Variants in IL1RAPL2 observed in about 807,000 individuals in gnomAD.
The protein encoded by IL1RAPL2 is X-linked interleukin-1 receptor accessory protein-like 2.
In IL1RAPL2, 3 loss-of-function variants were observed where a neutral mutation model predicts 44.1. The ratio of observed to expected loss-of-function variants is 0.07; its 90% CI spans 0.03 to 0.18. The LOEUF (loss-of-function observed/expected upper bound fraction) is 0.18. Among genes scored for constraint, IL1RAPL2 ranks in the 10% least tolerant of loss-of-function variants. IL1RAPL2 has a pLI of 1.00. For missense variants in IL1RAPL2, 391 were observed against 496.4 expected (o/e 0.79, Z 2.02); for synonymous variants, 181 against 178.8 (o/e 1.01, Z -0.10).
intron 2 of IL1RAPL2, among the ~76,000 whole-genome samples, chrX:104,719,277 T>A (rs1415688621): frequency 8.9e-6 from 1 of 112,207 alleles, no homozygotes; most frequent in Non-Finnish European, 1.9e-5. Flanking sequence ...CTTATGCATA[T>A]AAATGTATTG....
intron 6 of IL1RAPL2, among the ~76,000 whole-genome samples, chrX:105,488,888 T>C (rs1222238414): frequency 1.8e-5 from 2 of 112,098 alleles, no homozygotes; most frequent in African/African-American, 6.5e-5. Flanking sequence ...GTTATGTCTC[T>C]AGAGAAAAAT....
chrX:105,344,821 T>C (rs1721911146), intron 5 of IL1RAPL2, among the ~76,000 whole-genome samples: 2 of 111,903 alleles, frequency 1.8e-5, no homozygotes, highest in Admixed American at 1.9e-4. Context: ...CTGGTTTGAA[T>C]GAGAGGGAAA....
intron 1 of IL1RAPL2, among the ~76,000 whole-genome samples, chrX:104,623,608 G>A (rs1232463160): frequency 9.0e-6 from 1 of 111,116 alleles, no homozygotes; most frequent in African/African-American, 3.3e-5. Context: ...GTTGGAGGTT[G>A]TTATCCCAGC....
chrX:105,668,379 C>T (rs769463045), intron 6 of IL1RAPL2, among the ~76,000 whole-genome samples: 25 of 112,327 alleles, frequency 2.2e-4, no homozygotes, highest in Non-Finnish European at 4.3e-4. Context: ...CCCCTTTCCA[C>T]TTAAGAGGAA....
At chrX:105,222,750 C>T (rs2033978017) in intron 3 of IL1RAPL2, among the ~76,000 whole-genome samples, 1 of 111,807 alleles carries the variant, frequency 8.9e-6, no homozygotes, top group Admixed American at 9.5e-5. Flanking sequence ...GGATAATGCC[C>T]AGGTTTCTGG....
rs1415300839 is a variant in IL1RAPL2 at position 104,931,990 on chromosome X, A to ATT, written c.83-263484_83-263483insTT. On this transcript the variant is annotated intron_variant, in intron 2 of 10. Transcript: ENST00000372582. ...TGTGTGTGTGTTTGTATATATATAT[A>ATT]TATATATTTTTTTTTTTTTGAGACA... is the stretch of plus-strand genomic sequence containing the variant. Among the ~76,000 whole-genome samples the ATT allele has an allele frequency of 2.4e-4, 8 of 33,451 alleles. No individual in the cohort carries two copies. The East Asian group carries it at 8.4e-3, about 35-fold the overall frequency. The allele number at this position is 33,451 out of a possible 115,157, so 29.0% of individuals were successfully genotyped here.
chrX:105,503,445 A>G (rs1032425191), intron 6 of IL1RAPL2, among the ~76,000 whole-genome samples: 4 of 111,802 alleles, frequency 3.6e-5, no homozygotes, highest in African/African-American at 9.7e-5. Flanking sequence ...CAGAATTTCC[A>G]GTTCTCTAAA....
At chrX:105,547,017 A>G (rs2036807430) in intron 6 of IL1RAPL2, among the ~76,000 whole-genome samples, 1 of 112,031 alleles carries the variant, frequency 8.9e-6, no homozygotes, top group South Asian at 3.7e-4. Flanking sequence ...CTCGTGCACA[A>G]TAATAAAACA....
chrX:104,628,028 G>T (rs1929551995), intron 1 of IL1RAPL2, among the ~76,000 whole-genome samples: 1 of 111,469 alleles, frequency 9.0e-6, no homozygotes, highest in Admixed American at 9.6e-5. Flanking sequence ...TTAAAGGATA[G>T]AACTAAATAA....
chrX:105,760,674 A>G (rs1435557761), intron 10 of IL1RAPL2, among the ~76,000 whole-genome samples: 1 of 112,139 alleles, frequency 8.9e-6, no homozygotes, highest in Non-Finnish European at 1.9e-5. Flanking sequence ...CTGTAAATAC[A>G]CACAATTCCC....
intron 6 of IL1RAPL2, among the ~76,000 whole-genome samples, chrX:105,613,208 T>A (rs1216121584): frequency 9.0e-6 from 1 of 111,234 alleles, no homozygotes; most frequent in Non-Finnish European, 1.9e-5. Context: ...GGACAACATT[T>A]CTAGACACAC....
At chrX:104,762,979 T>G (rs978267398) in intron 2 of IL1RAPL2, among the ~76,000 whole-genome samples, 2 of 112,642 alleles carry the variant, frequency 1.8e-5, no homozygotes, top group Admixed American at 1.9e-4. Flanking sequence ...AATTAGCATT[T>G]GGCTTCTTGT....
intron 2 of IL1RAPL2, among the ~76,000 whole-genome samples, chrX:104,972,754 C>T (rs1232333438): frequency 1.8e-5 from 2 of 111,833 alleles, no homozygotes; most frequent in Non-Finnish European, 3.8e-5. Flanking sequence ...AGAGATGTCT[C>T]CCCAGAGGAG....
chrX:105,201,802 A>G (rs5916883), intron 3 of IL1RAPL2, among the ~76,000 whole-genome samples: 2 of 112,019 alleles, frequency 1.8e-5, no homozygotes, highest in African/African-American at 6.5e-5. Context: ...CCAGGTAGCA[A>G]TTTCCAGGAG....
chrX:105,748,279 G>A (rs183938975), intron 8 of IL1RAPL2, among the ~76,000 whole-genome samples: 4 of 112,275 alleles, frequency 3.6e-5, no homozygotes, highest in African/African-American at 1.3e-4. Context: ...CTGCTATCAG[G>A]TAGGCTGGTG....
At chrX:104,893,572 G>A (rs1049916625) in intron 2 of IL1RAPL2, among the ~76,000 whole-genome samples, 7 of 111,158 alleles carry the variant, frequency 6.3e-5, no homozygotes, top group Non-Finnish European at 1.1e-4. Context: ...GATCTTTGTT[G>A]GTTTAAAGTC....
chrX:105,179,732 A>AT (rs201089322), intron 2 of IL1RAPL2, among the ~76,000 whole-genome samples: 2,112 of 84,430 alleles, frequency 0.025, 55 homozygotes, highest in African/African-American at 0.082. Flanking sequence ...ATTCCTAGGT[A>AT]TTTTTTTTTT....
intron 1 of IL1RAPL2, chrX:104,647,436 C>T (rs1231945806): frequency 4.9e-6 from 3 of 609,991 alleles, no homozygotes; most frequent in South Asian, 2.2e-5. Context: ...TCCTGCTGAT[C>T]CACCTCTTTG....
At chrX:105,011,130 A>C (rs1435185345) in intron 2 of IL1RAPL2, among the ~76,000 whole-genome samples, 1 of 111,190 alleles carries the variant, frequency 9.0e-6, no homozygotes, top group East Asian at 2.9e-4. Flanking sequence ...CAATTTACTT[A>C]ACTTCTATAA....
Sources: gnomAD v4.1 joint callset for allele counts (sites outside exome capture counted in the v4.1 genomes callset) on GRCh38, gnomAD v4.1.1 for gene constraint, MANE v1.5 for transcripts, NCBI Gene and HGNC (gene_info 2026-07-23, HGNC 2026-07-21) for gene names.